The following TIPIN variants were observed in gnomAD, a reference collection of about 807,000 sequenced individuals.
TIPIN encodes TIMELESS interacting protein, also known as TIMELESS-interacting protein.
TIPIN carries 29 observed loss-of-function variants against 35.6 expected under a neutral mutation model. The observed-to-expected ratio is 0.82, with a 90% confidence interval of 0.61 to 1.11. The LOEUF is 1.11. Among genes scored for constraint, TIPIN ranks in the 50% most tolerant of loss-of-function variants. The probability of loss-of-function intolerance (pLI) is 0.00; values close to 1 mark genes in which losing one functional copy is unlikely to be tolerated. For missense variants in TIPIN, 296 were observed against 345.4 expected, an observed-to-expected ratio of 0.86 and a Z score of 1.13; for synonymous variants, 102 against 121.5, an observed-to-expected ratio of 0.84 and a Z score of 1.06.
At chr15:66,383,977 A>C (rs116702532) in intron 1 of TIPIN, among the ~76,000 whole-genome samples, 8,457 of 152,004 alleles carry the variant, frequency 0.056, 396 homozygotes, top group African/African-American at 0.12. Flanking sequence ...TACACAATAA[A>C]ATTTATTTTT....
chr15:66,378,341 T>C (rs2093305306), intron 1 of TIPIN, among the ~76,000 whole-genome samples: 1 of 152,136 alleles, frequency 6.6e-6, no homozygotes, highest in Non-Finnish European at 1.5e-5. Flanking sequence ...TTCACCATGT[T>C]GGCCAGGCTT....
At chr15:66,386,147 C>A (rs1366520042) in intron 1 of TIPIN, among the ~76,000 whole-genome samples, 1 of 152,120 alleles carries the variant, frequency 6.6e-6, no homozygotes, top group Non-Finnish European at 1.5e-5. Context: ...CAAAAAGGAT[C>A]CGGGCATGAC....
At chr15:66,356,078 G>A (rs1356937510) in intron 1 of TIPIN, among the ~76,000 whole-genome samples, 1 of 152,142 alleles carries the variant, frequency 6.6e-6, no homozygotes, top group Admixed American at 6.5e-5. Context: ...TCCCAGAAGA[G>A]TGAAGGTAAC....
intron 6 of TIPIN, among the ~76,000 whole-genome samples, chr15:66,345,295 A>C (rs908368347): frequency 3.9e-5 from 6 of 152,150 alleles, no homozygotes; most frequent in African/African-American, 1.4e-4. Context: ...GAACAGCTGG[A>C]GGCCAAGCAC....
chr15:66,383,721 G>T, intron 1 of TIPIN: 1 of 333,340 alleles, frequency 3.0e-6, no homozygotes, highest in Non-Finnish European at 4.3e-6. Context: ...GGAGATGTAG[G>T]TCAAAGAATA....
upstream of TIPIN, among the ~76,000 whole-genome samples, chr15:66,361,095 T>C (rs1468217971): frequency 6.6e-6 from 1 of 150,460 alleles, no homozygotes; most frequent in African/African-American, 2.4e-5. Flanking sequence ...ATTGTGCCAC[T>C]GCATTTCAGC....
chr15:66,342,122 G>A (rs931779463), intron 6 of TIPIN, among the ~76,000 whole-genome samples: 10 of 148,732 alleles, frequency 6.7e-5, no homozygotes, highest in South Asian at 4.2e-4. Flanking sequence ...CCCGGGAGGC[G>A]GAGGCAGCAG....
intron 1 of TIPIN, among the ~76,000 whole-genome samples, chr15:66,385,375 G>T (rs2093333387): frequency 6.6e-6 from 1 of 152,206 alleles, no homozygotes; most frequent in South Asian, 2.1e-4. Context: ...TTTAGGATGG[G>T]AAAGGGGAAG....
At chr15:66,359,295 TTG>T (rs2093221281), upstream of TIPIN, among the ~76,000 whole-genome samples, 1 of 152,130 alleles carries the variant, frequency 6.6e-6, no homozygotes, top group Non-Finnish European at 1.5e-5. Context: ...ATTTCTATAC[TTG>T]TGAGATAATA....
chr15:66,340,407 A>G (rs1254439432), intron 7 of TIPIN, among the ~76,000 whole-genome samples: 1 of 144,298 alleles, frequency 6.9e-6, no homozygotes, highest in Non-Finnish European at 1.5e-5. Context: ...TGAACTGCTG[A>G]CCTCGGGTGA....
Position 66,347,742 on chromosome 15 carries a change from C to T in TIPIN, c.475+1318G>A, listed in dbSNP as rs538543048. On this transcript the variant is annotated intron_variant, in intron 6 of 7. Transcript: ENST00000261881. ...GGGATTACAGGCGTGCACCACCCCACTCAGCTAATTTTTGTATTTTCAGTA... is the reference window on the plus strand; with the variant it reads ...GGGATTACAGGCGTGCACCACCCCATTCAGCTAATTTTTGTATTTTCAGTA... 2.0e-5 allele frequency among the ~76,000 whole-genome samples: 3 copies of T among 152,228 alleles called. No individual in the cohort carries two copies. The East Asian group carries it at 5.8e-4, about 29-fold the overall frequency.
chr15:66,364,597 T>C (rs1442954280), intron 1 of TIPIN, among the ~76,000 whole-genome samples: 1 of 152,160 alleles, frequency 6.6e-6, no homozygotes, highest in Non-Finnish European at 1.5e-5. Flanking sequence ...TCAACATGTA[T>C]ACACTGGGGC....
intron 7 of TIPIN, among the ~76,000 whole-genome samples, chr15:66,340,405 T>C (rs1022628143): frequency 6.7e-6 from 1 of 149,860 alleles, no homozygotes; most frequent in Non-Finnish European, 1.5e-5. Flanking sequence ...CTTGAACTGC[T>C]GACCTCGGGT....
intron 1 of TIPIN, 61 bp from the exon 2 acceptor site, chr15:66,353,016 G>A (rs2093179109): frequency 6.8e-7 from 1 of 1,476,926 alleles, no homozygotes; most frequent in Non-Finnish European, 9.1e-7. Flanking sequence ...ATATAGACAA[G>A]TTCTACCTGC....
chr15:66,380,799 A>G lies in TIPIN; in HGVS notation c.-9+5808T>C, dbSNP rs565447162. On this transcript the variant is annotated intron_variant, in intron 1 of 7. Transcript: ENST00000562124. ...CACTGCACTCCAGCCCAGGCGACAG[A>G]GCAAGACTCCATCTGGAAAAAATTA... 1.5e-4 allele frequency among the ~76,000 whole-genome samples: 23 copies of G among 152,272 alleles called. No homozygotes were observed. In the South Asian group the frequency reaches 4.6e-3, roughly 30 times the overall value.
chr15:66,340,174 T>C (rs1407239565), intron 7 of TIPIN, among the ~76,000 whole-genome samples: 3 of 125,696 alleles, frequency 2.4e-5, no homozygotes, highest in African/African-American at 9.4e-5. Context: ...GCCTGGCCTT[T>C]TTTTTTTTTT....
At chr15:66,376,340 GTTTCTT>G (rs1161347097) in intron 1 of TIPIN, among the ~76,000 whole-genome samples, 1 of 152,014 alleles carries the variant, frequency 6.6e-6, no homozygotes, top group Non-Finnish European at 1.5e-5. Flanking sequence ...ACAGATTCCA[GTTTCTT>G]TTTTTCTGTT....
At chr15:66,382,195 CAGT>C (rs1453438487) in intron 1 of TIPIN, 2 of 208,298 alleles carry the variant, frequency 9.6e-6, no homozygotes, top group Non-Finnish European at 1.7e-5. Context: ...CTATTTAGTG[CAGT>C]AGTAGACAGT....
intron 1 of TIPIN, among the ~76,000 whole-genome samples, chr15:66,367,881 C>T (rs2093263233): frequency 7.1e-6 from 1 of 141,518 alleles, no homozygotes; most frequent in African/African-American, 2.6e-5. Context: ...GCTGCCTAGG[C>T]TGCAGTGCAG....
Sources: allele counts gnomAD v4.1 joint callset (sites outside exome capture counted in the v4.1 genomes callset), GRCh38; gene constraint gnomAD v4.1.1; transcripts MANE v1.5; gene names NCBI Gene and HGNC (gene_info 2026-07-23, HGNC 2026-07-21).